AHDC1: variants seen among roughly 807,000 people sequenced by gnomAD.
AHDC1 encodes transcription factor Gibbin.
In AHDC1, 7 loss-of-function variants were observed where a neutral mutation model predicts 87.9. That is an observed-to-expected ratio of 0.08 (90% CI 0.05 to 0.15). AHDC1 has a LOEUF of 0.15. AHDC1 is among the 10% of genes least tolerant of loss of function. AHDC1 has a pLI of 1.00. For missense variants in AHDC1, 1,841 were observed against 2,253.2 expected, an observed-to-expected ratio of 0.82 and a Z score of 3.70; for synonymous variants, 1,051 against 1,006.8, an observed-to-expected ratio of 1.04 and a Z score of -0.83.
chr1:27,549,388 A>G lies in AHDC1; in HGVS notation c.2728T>C (p.Ser910Pro). Residue 910 changes from serine to proline, a missense_variant, in exon 8 of 9, where the codon TCC (serine) becomes CCC (proline). Around this residue, in one of 13 missense-constraint regions of AHDC1, gnomAD observed 378 missense variants for 399.0 expected, o/e 0.95. Coordinates refer to ENST00000673934, the MANE Select transcript of AHDC1 (RefSeq NM_001371928.1). ...VGSSGAGADP[S>P]FQPVLSARQT... ...CGCGCGGACAGGACAGGCTGAAAGG[A>G]GGGGTCCGCCCCAGCCCCGCTGCTA... 2 of 1,612,812 alleles carry G rather than the reference A, an allele frequency of 1.2e-6. No individual in the cohort carries two copies. Among genetic ancestry groups the G allele is most frequent in the African/African-American group, 1.3e-5 (1 of 74,962 alleles).
chr1:27,549,517 C>G lies in AHDC1; in HGVS notation c.2599G>C (p.Ala867Pro). 3 of 1,613,288 alleles carry G rather than the reference C, an allele frequency of 1.9e-6. No homozygotes were observed. Among genetic ancestry groups the G allele is most frequent in the Non-Finnish European group, 2.5e-6 (3 of 1,179,978 alleles). Residue 867 changes from alanine to proline, a missense_variant, in exon 8 of 9, where the codon GCA becomes CCA. Coordinates refer to ENST00000673934, the MANE Select transcript of AHDC1 (RefSeq NM_001371928.1). ...LSASRPESRK[A>P]SGTYAGPPTS... ...GGTGGCCCTGCATAGGTGCCCGATG[C>G]CTTCCGGGACTCTGGGCGAGAGGCT...
At chr1:27,572,351 C>A (rs1356213476) in intron 3 of AHDC1, among the ~76,000 whole-genome samples, 2 of 152,106 alleles carry the variant, frequency 1.3e-5, no homozygotes, top group Non-Finnish European at 2.9e-5. Context: ...CTGGGGCCCC[C>A]CTCTGTACAA....
At chr1:27,542,943 C>A (rs909508859) in intron 8 of AHDC1, among the ~76,000 whole-genome samples, 5 of 152,194 alleles carry the variant, frequency 3.3e-5, no homozygotes, top group African/African-American at 7.2e-5. Context: ...AGAGTCAGGG[C>A]AGGACTGGCT....
At chr1:27,535,607 C>G (rs2018604659) in intron 8 of AHDC1, among the ~76,000 whole-genome samples, 1 of 152,076 alleles carries the variant, frequency 6.6e-6, no homozygotes, top group African/African-American at 2.4e-5. Flanking sequence ...TTACCAATGC[C>G]ATTCTGTTCC....
At chr1:27,539,845 C>G (rs141713526) in intron 8 of AHDC1, among the ~76,000 whole-genome samples, 1 of 152,190 alleles carries the variant, frequency 6.6e-6, no homozygotes, top group East Asian at 1.9e-4. Flanking sequence ...ATCTCCCCAG[C>G]TGTGAGGCAG....
At chr1:27,587,922 A>G (rs1452376057) in intron 3 of AHDC1, among the ~76,000 whole-genome samples, 1 of 151,792 alleles carries the variant, frequency 6.6e-6, no homozygotes, top group Non-Finnish European at 1.5e-5. Context: ...CATCCTACTC[A>G]CCACTTCTAG....
chr1:27,546,844 A>C (rs973763605), intron 8 of AHDC1, among the ~76,000 whole-genome samples: 2 of 152,076 alleles, frequency 1.3e-5, no homozygotes, highest in Non-Finnish European at 2.9e-5. Context: ...CGACCGTCCA[A>C]CCTGCTTCTC....
chr1:27,535,827 G>A (rs976307756), intron 8 of AHDC1, among the ~76,000 whole-genome samples: 1 of 152,050 alleles, frequency 6.6e-6, no homozygotes, highest in Non-Finnish European at 1.5e-5. Context: ...CTGGGGATCT[G>A]ACTTCCCTAC....
At chr1:27,566,310 CAG>C (rs1239221419) in intron 3 of AHDC1, among the ~76,000 whole-genome samples, 3 of 147,186 alleles carry the variant, frequency 2.0e-5, no homozygotes, top group African/African-American at 7.5e-5. Flanking sequence ...GGGCGAGAGC[CAG>C]AGAGGGAGAG....
At chr1:27,602,466 T>TC (rs1181184247) in intron 3 of AHDC1, among the ~76,000 whole-genome samples, 2 of 152,116 alleles carry the variant, frequency 1.3e-5, no homozygotes, top group African/African-American at 4.8e-5. Context: ...TGGGTTGCTG[T>TC]CCCTTTTCCT....
rs767413010 is a variant in AHDC1 at position 27,561,414 on chromosome 1, G to A, written c.-628-2531C>T. ...ACCTGATACTCCCCAGCAGATAAAC[G>A]TCAGGCCCCCACCCAGTGTAAATGA... is the stretch of plus-strand genomic sequence containing the variant. On this transcript the variant is annotated intron_variant, in intron 3 of 8. Transcript: ENST00000673934. The surrounding 1 kb of genome is among the most constrained non-coding windows in gnomAD (Gnocchi z 4.2). Among the ~76,000 whole-genome samples the A allele has an allele frequency of 7.9e-5, 12 of 152,128 alleles. No individual in the cohort carries two copies. Among genetic ancestry groups the A allele is most frequent in the Admixed American group, 2.6e-4 (4 of 15,264 alleles).
chr1:27,568,658 C>G (rs996604644), intron 3 of AHDC1, among the ~76,000 whole-genome samples: 2 of 151,854 alleles, frequency 1.3e-5, no homozygotes, highest in Admixed American at 6.6e-5. Context: ...GGGGCGGGGT[C>G]GGGGCTTCGG....
In AHDC1 at chr1:27,590,238, C is replaced by G. The variant is rs985688892; in HGVS notation, c.-629+13159G>C. Among the ~76,000 whole-genome samples, 2 of 152,198 alleles carry G rather than the reference C, an allele frequency of 1.3e-5. No individual in the cohort carries two copies. The highest frequency in any genetic ancestry group is 2.9e-5 in the Non-Finnish European group (2 of 68,018). On this transcript the variant is annotated intron_variant, in intron 3 of 8. Transcript: ENST00000673934. The surrounding 1 kb of genome is among the most constrained non-coding windows in gnomAD (Gnocchi z 5.4). ...CGCCTGCTGGAGACCCGCCCTCACC[C>G]GCCAGGATGCCTGGGTCCCTGGGGC...
At chr1:27,541,303 G>A (rs1247531850) in intron 8 of AHDC1, among the ~76,000 whole-genome samples, 1 of 152,110 alleles carries the variant, frequency 6.6e-6, no homozygotes, top group Non-Finnish European at 1.5e-5. Context: ...ATGCTCATGT[G>A]GAGGATTTTT....
intron 8 of AHDC1, among the ~76,000 whole-genome samples, chr1:27,541,693 G>C (rs1216200719): frequency 2.7e-5 from 4 of 150,334 alleles, no homozygotes; most frequent in Non-Finnish European, 4.4e-5. Context: ...GCAGTGGTGT[G>C]ATCTTGGCTC....
chr1:27,571,680 G>A (rs981504532), intron 3 of AHDC1, among the ~76,000 whole-genome samples: 1 of 152,032 alleles, frequency 6.6e-6, no homozygotes, highest in African/African-American at 2.4e-5. Flanking sequence ...GCTCCTCCTC[G>A]GCCCCCTACT....
rs1318060760 is a variant in AHDC1, at chr1:27,554,610, TCAGGGAG to T, written c.-224-1432_-224-1426del. ...ATGGCTGATCCCAGGAGCCGGGATCTCAGGGAGCAGGGAGCTGAATGGACCCCAACAC... is the reference window on the plus strand; with the variant it reads ...ATGGCTGATCCCAGGAGCCGGGATCTCAGGGAGCTGAATGGACCCCAACAC... On this transcript the variant is annotated intron_variant, in intron 5 of 8. Coordinates refer to ENST00000673934, the MANE Select transcript of AHDC1 (RefSeq NM_001371928.1). Among the ~76,000 whole-genome samples the T allele has an allele frequency of 2.0e-5, 3 of 152,182 alleles. No individual in the cohort carries two copies. The East Asian group carries it at 5.8e-4, about 29-fold the overall frequency.
chr1:27,537,683 G>A (rs1182081101), intron 8 of AHDC1, among the ~76,000 whole-genome samples: 2 of 152,190 alleles, frequency 1.3e-5, no homozygotes, highest in Non-Finnish European at 2.9e-5. Context: ...GGGCTAGCAC[G>A]CACCGGCCCC....
chr1:27,536,559 G>A (rs191563436), intron 8 of AHDC1, among the ~76,000 whole-genome samples: 4 of 152,254 alleles, frequency 2.6e-5, no homozygotes, highest in South Asian at 2.1e-4. Flanking sequence ...ACAGTCAGGC[G>A]GTAAACAGGC....
Sources: allele counts gnomAD v4.1 joint callset (sites outside exome capture counted in the v4.1 genomes callset), GRCh38; gene constraint gnomAD v4.1.1; regional missense constraint gnomAD v4.1.1; non-coding constraint Gnocchi (gnomAD v3.1); transcripts MANE v1.5; gene names NCBI Gene and HGNC (gene_info 2026-07-23, HGNC 2026-07-21).